The following ERICH3 variants were observed in gnomAD, a reference collection of about 807,000 sequenced individuals.
ERICH3 encodes the protein glutamate-rich protein 3.
ERICH3 carries 126 observed loss-of-function variants against 131.1 expected under a neutral mutation model. The observed-to-expected ratio is 0.96, with a 90% confidence interval of 0.83 to 1.11. The LOEUF (loss-of-function observed/expected upper bound fraction) is 1.11, where lower values mean the gene tolerates loss of function less well. ERICH3 is among the 50% of genes most tolerant of loss of function. The pLI, the probability that ERICH3 is intolerant of heterozygous loss-of-function variation, is 0.00. For missense variants in ERICH3, 2,050 were observed against 1,810.7 expected (o/e 1.13, Z -2.40); for synonymous variants, 695 against 644.6 (o/e 1.08, Z -1.18).
At chr1:74,618,135 C>G (rs1413804227) in intron 8 of ERICH3, among the ~76,000 whole-genome samples, 1 of 152,078 alleles carries the variant, frequency 6.6e-6, no homozygotes, top group East Asian at 1.9e-4. Context: ...GCACTCTAGT[C>G]TGGGTGAGAG....
At chr1:74,601,132 A>G (rs1648111066) in intron 10 of ERICH3, among the ~76,000 whole-genome samples, 1 of 151,926 alleles carries the variant, frequency 6.6e-6, no homozygotes, top group African/African-American at 2.4e-5. Flanking sequence ...AAATATGAAT[A>G]TCAGTAAACC....
At chr1:74,640,961 C>A (rs1255446295) in intron 5 of ERICH3, among the ~76,000 whole-genome samples, 1 of 151,972 alleles carries the variant, frequency 6.6e-6, no homozygotes, top group Admixed American at 6.6e-5. Flanking sequence ...AGTAATCATG[C>A]AGAAAAAATT....
intron 5 of ERICH3, among the ~76,000 whole-genome samples, chr1:74,637,937 G>A (rs1646406156): frequency 1.3e-5 from 2 of 151,820 alleles, no homozygotes. Context: ...TTAGCAATGT[G>A]TCAAAAGTAG....
intron 9 of ERICH3, among the ~76,000 whole-genome samples, chr1:74,610,148 G>C (rs544617652): frequency 7.9e-5 from 12 of 151,844 alleles, no homozygotes; most frequent in African/African-American, 2.7e-4. Flanking sequence ...AGTTGGAATA[G>C]GAAGGCAGTT....
chr1:74,570,517 G>A (rs564500372), intron 14 of ERICH3, 78 bp from the exon 15 acceptor site: 1 of 152,252 alleles, frequency 6.6e-6, no homozygotes, highest in African/African-American at 2.4e-5. Flanking sequence ...GAATGTGAGG[G>A]CCTAAAGGAA....
intron 1 of ERICH3, among the ~76,000 whole-genome samples, chr1:74,657,996 G>A (rs1414836723): frequency 6.6e-6 from 1 of 152,166 alleles, no homozygotes; most frequent in East Asian, 1.9e-4. Flanking sequence ...AGCATTTATT[G>A]CGTACTTTCT....
At chr1:74,643,288 G>C (rs986189485) in intron 3 of ERICH3, among the ~76,000 whole-genome samples, 190 bp from the exon 4 acceptor site, 1 of 152,082 alleles carries the variant, frequency 6.6e-6, no homozygotes, top group Non-Finnish European at 1.5e-5. Context: ...ATTCAATTTT[G>C]AACATATATT....
intron 11 of ERICH3, among the ~76,000 whole-genome samples, chr1:74,598,968 T>A (rs1647988868): frequency 6.6e-6 from 1 of 151,954 alleles, no homozygotes; most frequent in African/African-American, 2.4e-5. Context: ...CTATTAGCAA[T>A]AATAAGTTAT....
chr1:74,606,988 T>A, intron 9 of ERICH3, 86 bp from the exon 10 acceptor site: 1 of 1,244,838 alleles, frequency 8.0e-7, no homozygotes. Flanking sequence ...ACTTATCTCT[T>A]ATTCCAGTAA....
At chr1:74,616,127 G>A (rs781617192) in intron 8 of ERICH3, among the ~76,000 whole-genome samples, 2 of 151,930 alleles carry the variant, frequency 1.3e-5, no homozygotes, top group Non-Finnish European at 2.9e-5. Flanking sequence ...TCAGCCTCCC[G>A]AGTAGCTGGG....
chr1:74,576,776 G>A (rs1647063353), intron 13 of ERICH3, 119 bp downstream of exon 13: 1 of 883,814 alleles, frequency 1.1e-6, no homozygotes, highest in Non-Finnish European at 1.8e-6. Context: ...CTTCTTAAAA[G>A]TCATTCAATA....
At position 74,569,117 on chromosome 1, in the gene ERICH3, G is replaced by A. The variant is rs1395941597; in HGVS notation, c.*1341C>T. On this transcript the variant is annotated 3_prime_UTR_variant, in exon 15 of 15. Transcript: ENST00000326665. ...ACCTTGAGTGTAATGTGGCCAGCAT[G>A]GATTATATGATGATTTAGAACAGCG... 6.6e-6 allele frequency: 1 copy of A among 152,146 alleles called. No homozygotes were observed. The highest frequency in any genetic ancestry group is 1.5e-5 in the Non-Finnish European group (1 of 68,022). The allele number at this position is 152,146 out of a possible 1,614,324, so 9.4% of individuals were successfully genotyped here. A position where few individuals can be genotyped will look rare whatever the true frequency, so the allele number is the denominator to read the frequency against.
chr1:74,610,156 G>A (rs906167533), intron 9 of ERICH3, among the ~76,000 whole-genome samples: 4 of 151,848 alleles, frequency 2.6e-5, no homozygotes, highest in African/African-American at 9.7e-5. Context: ...TAGGAAGGCA[G>A]TTCAGGTGGC....
Position 74,673,627 on chromosome 1 carries a change from G to A in ERICH3, c.-108C>T. The A allele has an allele frequency of 3.1e-6, 4 of 1,284,764 alleles. No individual in the cohort carries two copies. Among genetic ancestry groups the A allele is most frequent in the Non-Finnish European group, 4.3e-6 (4 of 934,746 alleles). 79.6% of individuals were successfully genotyped at this position (1,284,764 alleles called of 1,614,324 possible). ...CGCGCTCGAGGGGTGGCTCCGCACC[G>A]AGGTCCCCTGTGCGCGGGCACCTGG... On this transcript the variant is annotated 5_prime_UTR_variant, in exon 1 of 15. Coordinates refer to ENST00000326665, the MANE Select transcript of ERICH3 (RefSeq NM_001002912.5).
chr1:74,572,384 A>G lies in ERICH3; in HGVS notation c.3326T>C (p.Val1109Ala), dbSNP rs144966818. The change falls in exon 14 of 15, where the codon GTA becomes GCA. Residue 1109 changes from valine (V) to alanine (A), a missense_variant. By Grantham distance (64) the Val-to-Ala change is moderately conservative. Coordinates refer to ENST00000326665, the MANE Select transcript of ERICH3 (RefSeq NM_001002912.5). ...AGCTTTTGTCTCTTCCTCAGCTCTT[A>G]CTTCTGTCTCTGTTTCCCCTTCTTC... ...KAEEGETETE[V>A]RAEEETKAPP... 9 of 1,613,464 alleles carry G rather than the reference A, an allele frequency of 5.6e-6. No individual in the cohort carries two copies. The African/African-American group carries it at 1.1e-4, about 19-fold the overall frequency.
intron 11 of ERICH3, among the ~76,000 whole-genome samples, chr1:74,599,198 G>C (rs1306725568): frequency 2.0e-5 from 3 of 151,868 alleles, no homozygotes; most frequent in African/African-American, 7.3e-5. Flanking sequence ...AATGTAATTG[G>C]AACACTGATA....
At chr1:74,598,894 C>T (rs1647981282) in intron 11 of ERICH3, among the ~76,000 whole-genome samples, 1 of 151,628 alleles carries the variant, frequency 6.6e-6, no homozygotes, top group Non-Finnish European at 1.5e-5. Context: ...GGAAATCTAG[C>T]CTAAAGATAC....
intron 10 of ERICH3, among the ~76,000 whole-genome samples, chr1:74,603,198 G>A (rs189142838): frequency 4.4e-4 from 67 of 151,988 alleles, no homozygotes; most frequent in African/African-American, 1.5e-3. Flanking sequence ...GGGACACAAA[G>A]CAGCTCTCCC....
chr1:74,628,752 T>G (rs1649497781), intron 7 of ERICH3, among the ~76,000 whole-genome samples: 1 of 151,724 alleles, frequency 6.6e-6, no homozygotes, highest in African/African-American at 2.4e-5. Flanking sequence ...TTAGACAAAA[T>G]AGATTTTAAG....
Sources: allele counts gnomAD v4.1 joint callset (sites outside exome capture counted in the v4.1 genomes callset), GRCh38; gene constraint gnomAD v4.1.1; transcripts MANE v1.5; gene names NCBI Gene and HGNC (gene_info 2026-07-23, HGNC 2026-07-21).